The following HAT1 variants were observed in gnomAD, a reference collection of about 807,000 sequenced individuals.
HAT1 encodes the protein histone acetyltransferase 1, also known as histone acetyltransferase type B catalytic subunit.
A neutral mutation model predicts 56.6 loss-of-function variants in HAT1; 20 were observed. The observed-to-expected ratio is 0.35, with a 90% CI of 0.25 to 0.51. The LOEUF (loss-of-function observed/expected upper bound fraction) is 0.51. HAT1 is among the 20% of genes least tolerant of loss of function. The pLI, the probability that HAT1 is intolerant of heterozygous loss-of-function variation, is 0.95. For synonymous variants in HAT1, 146 were observed against 165.5 expected (o/e 0.88, Z 0.91); for missense variants, 408 against 504.3 (o/e 0.81, Z 1.83).
At chr2:171,955,670 G>C (rs1272197440) in intron 4 of HAT1, among the ~76,000 whole-genome samples, 1 of 152,052 alleles carries the variant, frequency 6.6e-6, no homozygotes, top group Non-Finnish European at 1.5e-5. Flanking sequence ...TTAGGGCTCA[G>C]AATGAAGCTA....
At position 171,939,538 on chromosome 2, in the gene HAT1, T is replaced by C. The variant is rs537560199; in HGVS notation, c.113-7170T>C. On this transcript the variant is annotated intron_variant, in intron 2 of 10. Transcript: ENST00000264108. ...AAATCTCTGGAGCGGCTGTTGTAAC[T>C]CAAAAACTTTAGCCAGTGATCTACT... Among the ~76,000 whole-genome samples the C allele has an allele frequency of 5.3e-5, 8 of 152,336 alleles. No individual in the cohort carries two copies. The South Asian group carries it at 1.7e-3, about 32-fold the overall frequency.
intron 2 of HAT1, among the ~76,000 whole-genome samples, chr2:171,929,659 A>G (rs1686688597): frequency 1.3e-5 from 2 of 152,218 alleles, no homozygotes; most frequent in African/African-American, 4.8e-5. Context: ...ATATGAGGAA[A>G]GGGATTAAGG....
At chr2:171,972,562 C>G (rs1276339048) in intron 8 of HAT1, among the ~76,000 whole-genome samples, 4 of 152,218 alleles carry the variant, frequency 2.6e-5, no homozygotes, top group African/African-American at 4.8e-5. Flanking sequence ...CTGCACCTGG[C>G]CTGGCACACA....
intron 9 of HAT1, among the ~76,000 whole-genome samples, chr2:171,978,559 T>A (rs1688047292): frequency 6.8e-6 from 1 of 147,718 alleles, no homozygotes; most frequent in African/African-American, 2.6e-5. Flanking sequence ...CTGTGAAAAC[T>A]CACATTTTCA....
At chr2:171,976,355 T>G in intron 9 of HAT1, 47 bp downstream of exon 9, 2 of 1,191,886 alleles carry the variant, frequency 1.7e-6, no homozygotes, top group Non-Finnish European at 2.3e-6. Flanking sequence ...TACAAACAAA[T>G]TTTTGAAGTG....
chr2:171,983,044 C>CA (rs1203346054), intron 10 of HAT1, 141 bp from the exon 11 acceptor site: 72 of 516,924 alleles, frequency 1.4e-4, no homozygotes, highest in East Asian at 3.1e-4. Context: ...AAAAACAAAA[C>CA]AAAACAAAAA....
chr2:171,950,168 TTTTG>T (rs770434833), intron 3 of HAT1, among the ~76,000 whole-genome samples: 14 of 152,252 alleles, frequency 9.2e-5, no homozygotes, highest in Non-Finnish European at 1.6e-4. Flanking sequence ...TTTTGGGTTT[TTTTG>T]TTTGTTTGTT....
At chr2:171,941,085 C>T (rs922997178) in intron 2 of HAT1, among the ~76,000 whole-genome samples, 1 of 152,190 alleles carries the variant, frequency 6.6e-6, no homozygotes, top group Non-Finnish European at 1.5e-5. Flanking sequence ...GACTTAAAGC[C>T]TGCCACTAGA....
intron 2 of HAT1, among the ~76,000 whole-genome samples, chr2:171,928,406 A>G (rs1356476219): frequency 6.6e-6 from 1 of 152,186 alleles, no homozygotes; most frequent in Non-Finnish European, 1.5e-5. Flanking sequence ...ATATAAATGG[A>G]ATTATACCAT....
intron 1 of HAT1, chr2:171,924,424 A>G (rs1574029045): frequency 6.6e-6 from 1 of 151,832 alleles, no homozygotes; most frequent in South Asian, 2.1e-4. Context: ...ATCCGTCTCG[A>G]CCTCGCGATC....
chr2:171,953,091 C>T (rs1687347792), intron 4 of HAT1, 90 bp downstream of exon 4: 2 of 747,960 alleles, frequency 2.7e-6, no homozygotes, highest in Non-Finnish European at 4.1e-6. Flanking sequence ...ACACCTGTAA[C>T]CCCAGCAGTT....
chr2:171,942,168 G>A (rs1334802263), intron 2 of HAT1, among the ~76,000 whole-genome samples: 3 of 152,200 alleles, frequency 2.0e-5, no homozygotes, highest in East Asian at 1.9e-4. Context: ...GCCTCCCAAA[G>A]TGCTGGGATT....
intron 2 of HAT1, among the ~76,000 whole-genome samples, chr2:171,940,178 A>G (rs541011149): frequency 2.4e-4 from 37 of 152,348 alleles, no homozygotes; most frequent in Middle Eastern, 3.4e-3. Flanking sequence ...TTTCCCTGAT[A>G]TGTAATCATT....
At chr2:171,979,404 T>C in intron 10 of HAT1, 41 bp downstream of exon 10, 1 of 947,320 alleles carries the variant, frequency 1.1e-6, no homozygotes, top group Non-Finnish European at 1.7e-6. Context: ...TTCTTTTCAC[T>C]GTTTAAAACA....
chr2:171,961,302 T>A (rs1558974392), intron 4 of HAT1, among the ~76,000 whole-genome samples: 1 of 152,144 alleles, frequency 6.6e-6, no homozygotes, highest in Non-Finnish European at 1.5e-5. Context: ...AAGACTCTTG[T>A]CTTAAAAACA....
chr2:171,955,691 A>G (rs955591326), intron 4 of HAT1, among the ~76,000 whole-genome samples: 1 of 152,150 alleles, frequency 6.6e-6, no homozygotes, highest in African/African-American at 2.4e-5. Flanking sequence ...GGAGTGTAGG[A>G]GAGAACACCT....
intron 4 of HAT1, among the ~76,000 whole-genome samples, chr2:171,956,918 G>A (rs1364733799): frequency 2.0e-5 from 3 of 152,168 alleles, no homozygotes; most frequent in Admixed American, 6.5e-5. Flanking sequence ...AGAGAAAGCC[G>A]TGAGTGTGAC....
intron 1 of HAT1, 126 bp downstream of exon 1, chr2:171,922,633 TG>T (rs1686467924): frequency 3.8e-6 from 3 of 788,666 alleles, no homozygotes; most frequent in Non-Finnish European, 3.6e-6. Flanking sequence ...AAGGCCTGCT[TG>T]GGACCGGAAG....
chr2:171,951,109 C>T (rs1687297116), intron 3 of HAT1, among the ~76,000 whole-genome samples: 1 of 152,178 alleles, frequency 6.6e-6, no homozygotes, highest in Non-Finnish European at 1.5e-5. Context: ...CTGCACCAGG[C>T]CCTTATTGTG....
Sources: allele counts gnomAD v4.1 joint callset (sites outside exome capture counted in the v4.1 genomes callset), GRCh38; gene constraint gnomAD v4.1.1; transcripts MANE v1.5; gene names NCBI Gene and HGNC (gene_info 2026-07-23, HGNC 2026-07-21).